Variants in TMEM132D observed in about 807,000 individuals in gnomAD.
The protein encoded by TMEM132D is transmembrane protein 132D.
A neutral mutation model predicts 62.3 loss-of-function variants in TMEM132D; 21 were observed. The observed-to-expected ratio is 0.34, with a 90% CI of 0.24 to 0.49. The LOEUF (loss-of-function observed/expected upper bound fraction) is 0.49, where lower values mean the gene tolerates loss of function less well. TMEM132D is among the 20% of genes least tolerant of loss of function. The pLI is 0.99. For missense variants in TMEM132D, 1,346 were observed against 1,402.8 expected, an observed-to-expected ratio of 0.96 and a Z score of 0.65; for synonymous variants, 621 against 575.6, an observed-to-expected ratio of 1.08 and a Z score of -1.13.
intron 5 of TMEM132D, among the ~76,000 whole-genome samples, chr12:129,183,581 G>T (rs1029961068): frequency 6.6e-6 from 1 of 152,208 alleles, no homozygotes; most frequent in Non-Finnish European, 1.5e-5. Context: ...TCAGCCACAC[G>T]GGACTTGTTT....
At chr12:129,251,414 C>A (rs937835847) in intron 4 of TMEM132D, among the ~76,000 whole-genome samples, 2 of 149,078 alleles carry the variant, frequency 1.3e-5, no homozygotes, top group African/African-American at 4.9e-5. Context: ...GTTACGGAGA[C>A]CCTTGGTCAT....
chr12:129,380,641 C>A (rs1429417517), intron 3 of TMEM132D, among the ~76,000 whole-genome samples: 1 of 152,026 alleles, frequency 6.6e-6, no homozygotes, highest in African/African-American at 2.4e-5. Context: ...TCTCCATCAC[C>A]ACAGTCGAGA....
At chr12:129,530,979 T>G in intron 3 of TMEM132D, 80 bp downstream of exon 3, 2 of 1,356,480 alleles carry the variant, frequency 1.5e-6, no homozygotes, top group East Asian at 4.8e-5. Flanking sequence ...AAATGGTTGT[T>G]AGCAATCTAG....
intron 3 of TMEM132D, among the ~76,000 whole-genome samples, chr12:129,502,589 G>T (rs547175255): frequency 1.3e-4 from 20 of 151,958 alleles, no homozygotes; most frequent in Middle Eastern, 3.4e-3. Flanking sequence ...CTTTTAATTT[G>T]TCTTTCCTCT....
intron 5 of TMEM132D, among the ~76,000 whole-genome samples, chr12:129,207,250 A>AG (rs1878879920): frequency 1.3e-5 from 2 of 151,610 alleles, no homozygotes; most frequent in African/African-American, 4.9e-5. Flanking sequence ...TCAGAAGATG[A>AG]ATACAGCACC....
intron 2 of TMEM132D, among the ~76,000 whole-genome samples, chr12:129,551,674 G>A (rs373200994): frequency 6.6e-6 from 1 of 152,196 alleles, no homozygotes; most frequent in East Asian, 1.9e-4. Context: ...ACGATTCATG[G>A]AGCACCTCCA....
chr12:129,095,150 T>C, intron 5 of TMEM132D, among the ~76,000 whole-genome samples: 1 of 151,994 alleles, frequency 6.6e-6, no homozygotes, highest in Non-Finnish European at 1.5e-5. Flanking sequence ...ACCTGCATGT[T>C]GTGCACATGT....
chr12:129,605,880 C>G (rs1310790797), intron 2 of TMEM132D, among the ~76,000 whole-genome samples: 1 of 151,894 alleles, frequency 6.6e-6, no homozygotes, highest in East Asian at 1.9e-4. Flanking sequence ...AGAAACAATG[C>G]AGCCAAGAAA....
intron 3 of TMEM132D, among the ~76,000 whole-genome samples, chr12:129,422,137 T>C: frequency 6.6e-6 from 1 of 150,434 alleles, no homozygotes; most frequent in East Asian, 2.0e-4. Context: ...TCTCATCTCC[T>C]ACTGACACTA....
intron 1 of TMEM132D, chr12:129,853,347 AT>A (rs1473016126): frequency 6.6e-6 from 1 of 152,280 alleles, no homozygotes; most frequent in Admixed American, 6.5e-5. Flanking sequence ...CGCAGAGGAT[AT>A]TGACCAGGAA....
chr12:129,371,223 ATTG>A lies in TMEM132D; in HGVS notation c.1116-33409_1116-33407del, dbSNP rs1490595717. On this transcript the variant is annotated intron_variant, in intron 3 of 8. Coordinates refer to ENST00000422113, the MANE Select transcript of TMEM132D (RefSeq NM_133448.3). This position sits in a 1 kb window ranked among gnomAD's most constrained non-coding sequence, Gnocchi z 4.3. The stretch of plus-strand genomic sequence containing the variant: ...TTTCAAAAATATTACTTTTTAAATT[ATTG>A]TTGTTACTGTGGTGATGATGGTGGC... Among the ~76,000 whole-genome samples the A allele has an allele frequency of 5.3e-5, 8 of 152,178 alleles. No individual in the cohort carries two copies. Among genetic ancestry groups the A allele is most frequent in the East Asian group, 1.9e-4 (1 of 5,192 alleles).
rs148601510 is a variant in TMEM132D, at chr12:129,684,340, C to T, written c.968+15470G>A. Among the ~76,000 whole-genome samples the T allele has an allele frequency of 3.3e-3, 509 of 152,036 alleles. 6 individuals are homozygous for T. Among genetic ancestry groups the T allele is most frequent in the African/African-American group, 0.012 (492 of 41,468 alleles). The stretch of plus-strand genomic sequence containing the variant: ...CTGATGGTTTTATAAGGGGCGTTTC[C>T]CCCTTTGCTTGGCACTTTTCCTTCC... On this transcript the variant is annotated intron_variant, in intron 2 of 8. Transcript: ENST00000422113.
intron 1 of TMEM132D, among the ~76,000 whole-genome samples, chr12:129,859,446 C>T (rs11060589): frequency 0.11 from 17,342 of 152,192 alleles, 1,599 homozygotes; most frequent in East Asian, 0.52. Context: ...AAAATTACAA[C>T]ATGTGATGGT....
intron 5 of TMEM132D, among the ~76,000 whole-genome samples, chr12:129,158,936 G>A (rs1877320445): frequency 6.6e-6 from 1 of 152,134 alleles, no homozygotes; most frequent in Non-Finnish European, 1.5e-5. Flanking sequence ...GGAAGCAAGG[G>A]AAATGCCCCT....
intron 3 of TMEM132D, among the ~76,000 whole-genome samples, chr12:129,365,830 T>A (rs1278535169): frequency 6.6e-6 from 1 of 152,116 alleles, no homozygotes; most frequent in Non-Finnish European, 1.5e-5. Context: ...AGGAGCTGAA[T>A]GGAGGCTGTC....
intron 5 of TMEM132D, among the ~76,000 whole-genome samples, chr12:129,173,664 T>G (rs1877802933): frequency 1.3e-5 from 2 of 152,246 alleles, no homozygotes; most frequent in Admixed American, 1.3e-4. Flanking sequence ...TCCTCTCAGA[T>G]TCTTTTTATC....
rs778905534 is a variant in TMEM132D at position 129,081,412 on chromosome 12, C to T, written c.1923+347G>A. On this transcript the variant is annotated intron_variant, in intron 7 of 8. Coordinates refer to ENST00000422113, the MANE Select transcript of TMEM132D (RefSeq NM_133448.3). ...TTCCCAGGCCCGAGCGATCCTTGCACCTCAGCCTCCCGAGTAGCTGGGACC... is the reference window on the plus strand; with the variant it reads ...TTCCCAGGCCCGAGCGATCCTTGCATCTCAGCCTCCCGAGTAGCTGGGACC... 2.0e-5 allele frequency among the ~76,000 whole-genome samples: 3 copies of T among 152,284 alleles called. No individual in the cohort carries two copies. In the East Asian group the frequency reaches 5.8e-4, roughly 29 times the overall value.
intron 1 of TMEM132D, among the ~76,000 whole-genome samples, chr12:129,818,689 T>A (rs1183197683): frequency 3.3e-5 from 5 of 151,804 alleles, no homozygotes; most frequent in African/African-American, 4.8e-5. Flanking sequence ...AACGGCCGTA[T>A]CAGTGGGTGT....
intron 2 of TMEM132D, among the ~76,000 whole-genome samples, chr12:129,585,397 G>A (rs924835370): frequency 2.0e-5 from 3 of 152,226 alleles, no homozygotes; most frequent in Admixed American, 2.0e-4. Context: ...TCAGGAATCT[G>A]CAGAGAAGAT....
Sources: allele counts gnomAD v4.1 joint callset (sites outside exome capture counted in the v4.1 genomes callset), GRCh38; gene constraint gnomAD v4.1.1; non-coding constraint Gnocchi (gnomAD v3.1); transcripts MANE v1.5; gene names NCBI Gene and HGNC (gene_info 2026-07-23, HGNC 2026-07-21).